Variants in ADAMTS12 observed in about 807,000 individuals in gnomAD.
The protein encoded by ADAMTS12 is A disintegrin and metalloproteinase with thrombospondin motifs 12.
A neutral mutation model predicts 167.8 loss-of-function variants in ADAMTS12; 118 were observed. That is an observed-to-expected ratio of 0.70 (90% CI 0.61 to 0.82). The LOEUF (loss-of-function observed/expected upper bound fraction) is 0.82, where lower values mean the gene tolerates loss of function less well. Ranked by LOEUF, ADAMTS12 falls within the 40% of genes least tolerant of loss-of-function variation. The probability of loss-of-function intolerance (pLI) is 0.00; values close to 1 mark genes in which losing one functional copy is unlikely to be tolerated. For synonymous variants in ADAMTS12, 704 were observed against 716.9 expected (o/e 0.98, Z 0.29); for missense variants, 1,916 against 1,998.8 (o/e 0.96, Z 0.79).
intron 3 of ADAMTS12, among the ~76,000 whole-genome samples, chr5:33,730,921 G>A (rs913672807): frequency 6.6e-6 from 1 of 152,260 alleles, no homozygotes; most frequent in Non-Finnish European, 1.5e-5. Flanking sequence ...TGAGAATAAC[G>A]GGTACTAGCT....
At position 33,596,054 on chromosome 5, in the gene ADAMTS12, C is replaced by A; in HGVS notation, c.2534G>T (p.Arg845Leu). 1 of 1,613,810 alleles carries A rather than the reference C, an allele frequency of 6.2e-7. No homozygotes were observed. Residue 845 changes from arginine (R) to leucine (L), a missense_variant, in exon 17 of 24, where the codon CGC becomes CTC. Physicochemically the swap from Arg to Leu is moderately radical, Grantham distance 102 (BLOSUM62 -2). Transcript: ENST00000504830. The stretch of plus-strand genomic sequence containing the variant: ...CTTTATGCAATGGGCAGTTTGGCGG[C>A]GGATACCTGGGGGTCAGACAGAAAG... ...ECSVTCGTGI[R>L]RQTAHCIKKG...
intron 2 of ADAMTS12, among the ~76,000 whole-genome samples, chr5:33,786,844 A>C (rs1004673684): frequency 6.6e-6 from 1 of 152,168 alleles, no homozygotes; most frequent in East Asian, 1.9e-4. Flanking sequence ...AGGGATAGCA[A>C]GTACCTTCCC....
At chr5:33,767,136 T>C (rs1160740207) in intron 2 of ADAMTS12, among the ~76,000 whole-genome samples, 1 of 152,148 alleles carries the variant, frequency 6.6e-6, no homozygotes, top group African/African-American at 2.4e-5. Context: ...TTTAACGACA[T>C]GGAAAAATAT....
chr5:33,682,182 T>A (rs998945604), intron 5 of ADAMTS12, among the ~76,000 whole-genome samples: 1 of 152,342 alleles, frequency 6.6e-6, no homozygotes, highest in South Asian at 2.1e-4. Flanking sequence ...TGCTATTGGA[T>A]GTGGAAGATA....
chr5:33,739,950 C>T (rs1419267603), intron 3 of ADAMTS12, among the ~76,000 whole-genome samples: 1 of 152,194 alleles, frequency 6.6e-6, no homozygotes, highest in East Asian at 1.9e-4. Flanking sequence ...GGCTTTAAAC[C>T]ACATTGGTGT....
rs1554038433 is a variant in ADAMTS12 at position 33,730,289 on chromosome 5, G to GGGT, written c.634+21114_634+21115insACC. On this transcript the variant is annotated intron_variant, in intron 3 of 23. Coordinates refer to ENST00000504830, the MANE Select transcript of ADAMTS12 (RefSeq NM_030955.4). ...CTATTATGAGATCAGAGTCCATTAG[G>GGGT]GTGTGTGTGTGTGTGTGTGTGTGTG... is the stretch of plus-strand genomic sequence containing the variant. Among the ~76,000 whole-genome samples the GGGT allele has an allele frequency of 1.8e-4, 26 of 144,262 alleles. No individual in the cohort carries two copies. In the South Asian group the frequency reaches 2.2e-3, roughly 12 times the overall value. The allele number at this position is 144,262 out of a possible 152,430, so 94.6% of individuals were successfully genotyped here.
At chr5:33,763,320 C>A (rs1745420861) in intron 2 of ADAMTS12, among the ~76,000 whole-genome samples, 1 of 151,994 alleles carries the variant, frequency 6.6e-6, no homozygotes, top group South Asian at 2.1e-4. Flanking sequence ...AGGATCTGCA[C>A]AAGTAGGAGA....
chr5:33,848,497 T>A (rs994206624), intron 2 of ADAMTS12, among the ~76,000 whole-genome samples: 3 of 152,212 alleles, frequency 2.0e-5, no homozygotes, highest in African/African-American at 7.2e-5. Context: ...GTAGGATGTT[T>A]CCTATGATAC....
At chr5:33,674,860 A>C (rs1579824821) in intron 5 of ADAMTS12, among the ~76,000 whole-genome samples, 1 of 152,146 alleles carries the variant, frequency 6.6e-6, no homozygotes, top group South Asian at 2.1e-4. Context: ...ATCTCCCCTC[A>C]AAAACTCATG....
At position 33,782,983 on chromosome 5, in the gene ADAMTS12, C is replaced by T. The variant is rs564288922; in HGVS notation, c.490-31435G>A. Among the ~76,000 whole-genome samples the T allele has an allele frequency of 4.6e-5, 7 of 152,074 alleles. No individual in the cohort carries two copies. The South Asian group carries it at 1.5e-3, about 32-fold the overall frequency. ...AAAGCAGAACACACATTATCTTAAG[C>T]GCATGCCAACTATTCTCCAGGGTAG... On this transcript the variant is annotated intron_variant, in intron 2 of 23. Transcript: ENST00000504830.
intron 2 of ADAMTS12, among the ~76,000 whole-genome samples, chr5:33,792,248 G>A (rs1396250521): frequency 2.6e-5 from 4 of 152,016 alleles, no homozygotes; most frequent in African/African-American, 7.2e-5. Context: ...TGCCTGCCTC[G>A]GCATCCCAAA....
chr5:33,592,851 G>C (rs1747715346), intron 17 of ADAMTS12, among the ~76,000 whole-genome samples: 2 of 152,200 alleles, frequency 1.3e-5, no homozygotes, highest in Admixed American at 6.5e-5. Context: ...CCAGTGATGG[G>C]TATGAACTTT....
At chr5:33,577,270 A>C in intron 18 of ADAMTS12, 110 bp from the exon 19 acceptor site, 2 of 1,480,290 alleles carry the variant, frequency 1.4e-6, no homozygotes, top group Middle Eastern at 1.9e-4. Flanking sequence ...TATGCAGCTA[A>C]AATTGTCTGC....
rs1561333179 is a variant in ADAMTS12 at position 33,891,884 on chromosome 5, C to A, written c.-28G>T. On this transcript the variant is annotated 5_prime_UTR_variant, in exon 1 of 24. Transcript: ENST00000504830. ...TTCAGATGTTGAGGAGAAGAAAAGT[C>A]AAAAAAGTTTTAGCCCTCAGCTCCA... 3.1e-6 allele frequency: 5 copies of A among 1,601,990 alleles called. No individual in the cohort carries two copies. The highest frequency in any genetic ancestry group is 3.5e-5 in the Admixed American group (2 of 57,266).
intron 19 of ADAMTS12, among the ~76,000 whole-genome samples, chr5:33,567,168 C>T (rs890301035): frequency 6.6e-6 from 1 of 152,128 alleles, no homozygotes; most frequent in African/African-American, 2.4e-5. Flanking sequence ...TGCACACACA[C>T]ACATGTCATT....
intron 3 of ADAMTS12, among the ~76,000 whole-genome samples, chr5:33,715,364 G>C (rs1367498823): frequency 2.0e-5 from 3 of 152,180 alleles, no homozygotes; most frequent in East Asian, 3.9e-4. Context: ...TAGCAAGTTT[G>C]GGGGGACACT....
intron 2 of ADAMTS12, among the ~76,000 whole-genome samples, chr5:33,816,279 C>A (rs1747649586): frequency 6.6e-6 from 1 of 152,088 alleles, no homozygotes; most frequent in South Asian, 2.1e-4. Context: ...AGCCAGTGAA[C>A]ACATCCATCA....
chr5:33,571,070 A>G (rs1746311040), intron 19 of ADAMTS12, among the ~76,000 whole-genome samples: 1 of 152,200 alleles, frequency 6.6e-6, no homozygotes, highest in Non-Finnish European at 1.5e-5. Flanking sequence ...TATGCACCCA[A>G]TACAGGAGCA....
chr5:33,765,279 C>T (rs1745491276), intron 2 of ADAMTS12, among the ~76,000 whole-genome samples: 1 of 152,172 alleles, frequency 6.6e-6, no homozygotes, highest in African/African-American at 2.4e-5. Flanking sequence ...AAGGAGCAGA[C>T]ATTCTCCTGC....
Sources: gnomAD v4.1 joint callset for allele counts (sites outside exome capture counted in the v4.1 genomes callset) on GRCh38, gnomAD v4.1.1 for gene constraint, MANE v1.5 for transcripts, NCBI Gene and HGNC (gene_info 2026-07-23, HGNC 2026-07-21) for gene names.